SUCLG2: variants seen among roughly 807,000 people sequenced by gnomAD.
SUCLG2 encodes succinate-CoA ligase GDP-forming subunit beta.
A neutral mutation model predicts 47.9 loss-of-function variants in SUCLG2; 42 were observed. That is an observed-to-expected ratio of 0.88 (90% CI 0.69 to 1.14). The LOEUF (loss-of-function observed/expected upper bound fraction) is 1.14, where lower values mean the gene tolerates loss of function less well. Among genes scored for constraint, SUCLG2 ranks in the 50% most tolerant of loss-of-function variants. The pLI, the probability that SUCLG2 is intolerant of heterozygous loss-of-function variation, is 0.00. For missense variants in SUCLG2, 571 were observed against 525.9 expected (o/e 1.09, Z -0.84); for synonymous variants, 195 against 197.3 (o/e 0.99, Z 0.10).
At chr3:67,495,106 A>G (rs1446140075) in intron 9 of SUCLG2, among the ~76,000 whole-genome samples, 3 of 152,168 alleles carry the variant, frequency 2.0e-5, no homozygotes, top group Non-Finnish European at 4.4e-5. Context: ...AAATTTTCCA[A>G]TATATGGTAA....
chr3:67,450,047 A>C (rs1442142581), intron 9 of SUCLG2, among the ~76,000 whole-genome samples: 1 of 151,216 alleles, frequency 6.6e-6, no homozygotes, highest in Non-Finnish European at 1.5e-5. Flanking sequence ...TTTAAAATTA[A>C]CTAATTAATT....
In SUCLG2 at chr3:67,478,207, C is replaced by A. The variant is rs1238168919; in HGVS notation, c.1062+17591G>T. ...CCTTCCATATAAATGACCACAATACCCATAGCCCTGAAGACGGCCACCACG... is the reference window on the plus strand; with the variant it reads ...CCTTCCATATAAATGACCACAATACACATAGCCCTGAAGACGGCCACCACG... On this transcript the variant is annotated intron_variant, in intron 9 of 10. Transcript: ENST00000307227. 2.6e-5 allele frequency among the ~76,000 whole-genome samples: 4 copies of A among 152,180 alleles called. 1 individual carries two copies. The South Asian group carries it at 6.2e-4, about 24-fold the overall frequency.
chr3:67,529,258 C>G, intron 2 of SUCLG2, 72 bp from the exon 3 acceptor site: 2 of 1,142,482 alleles, frequency 1.8e-6, no homozygotes, highest in Middle Eastern at 2.0e-4. Context: ...ATAAGGAAAG[C>G]AATAATGGCA....
At chr3:67,424,811 C>T (rs1456882129) in intron 9 of SUCLG2, among the ~76,000 whole-genome samples, 2 of 152,122 alleles carry the variant, frequency 1.3e-5, no homozygotes, top group African/African-American at 4.8e-5. Flanking sequence ...GAAGTGGCAG[C>T]AGCATTCCTT....
At chr3:67,441,426 A>G (rs1287155543) in intron 9 of SUCLG2, among the ~76,000 whole-genome samples, 1 of 151,894 alleles carries the variant, frequency 6.6e-6, no homozygotes, top group Non-Finnish European at 1.5e-5. Context: ...TGTCATGTGT[A>G]GCCCTATGGA....
intron 1 of SUCLG2, among the ~76,000 whole-genome samples, chr3:67,634,108 G>A (rs1405921574): frequency 6.6e-6 from 1 of 152,188 alleles, no homozygotes; most frequent in Non-Finnish European, 1.5e-5. Flanking sequence ...TAAGCCTAAT[G>A]CTACAACTTC....
At chr3:67,459,267 T>C (rs1559534349) in intron 9 of SUCLG2, among the ~76,000 whole-genome samples, 2 of 152,196 alleles carry the variant, frequency 1.3e-5, no homozygotes, top group South Asian at 4.1e-4. Flanking sequence ...GTTCTCTTTG[T>C]ATTCTGAAAT....
intron 2 of SUCLG2, among the ~76,000 whole-genome samples, chr3:67,536,839 A>T (rs377199654): frequency 9.8e-5 from 15 of 152,334 alleles, no homozygotes; most frequent in African/African-American, 3.6e-4. Context: ...GGGCTCACAG[A>T]AAATCCTTTG....
chr3:67,536,563 C>A (rs1706548354), intron 2 of SUCLG2, among the ~76,000 whole-genome samples: 1 of 152,328 alleles, frequency 6.6e-6, no homozygotes, highest in Non-Finnish European at 1.5e-5. Flanking sequence ...TGCAAATCAC[C>A]AAGCCCTGCT....
At chr3:67,549,043 T>C (rs570015583) in intron 2 of SUCLG2, among the ~76,000 whole-genome samples, 14 of 152,296 alleles carry the variant, frequency 9.2e-5, no homozygotes, top group African/African-American at 2.6e-4. Context: ...ATAGAAACAA[T>C]TCATTATTTA....
At chr3:67,491,906 A>G (rs1705217110) in intron 9 of SUCLG2, among the ~76,000 whole-genome samples, 3 of 152,330 alleles carry the variant, frequency 2.0e-5, no homozygotes, top group African/African-American at 7.2e-5. Flanking sequence ...ACCACTTTAT[A>G]AACGAGGATA....
intron 2 of SUCLG2, among the ~76,000 whole-genome samples, chr3:67,567,592 A>C (rs1271511308): frequency 6.6e-6 from 1 of 152,210 alleles, no homozygotes; most frequent in Non-Finnish European, 1.5e-5. Context: ...TATGTCAGGA[A>C]TTTAAAGACT....
chr3:67,376,963 A>C (rs1046490943), intron 10 of SUCLG2, among the ~76,000 whole-genome samples: 1 of 152,202 alleles, frequency 6.6e-6, no homozygotes, highest in Non-Finnish European at 1.5e-5. Flanking sequence ...TTTTGGGTAA[A>C]TCGTTTAACT....
chr3:67,450,524 C>T (rs1368923330), intron 9 of SUCLG2, among the ~76,000 whole-genome samples: 2 of 152,092 alleles, frequency 1.3e-5, no homozygotes, highest in African/African-American at 4.8e-5. Flanking sequence ...TGAAAATTTT[C>T]AAGTATACAG....
Position 67,378,842 on chromosome 3 carries a change from C to G in SUCLG2, c.1184-2983G>C, listed in dbSNP as rs188877188. On this transcript the variant is annotated intron_variant, in intron 10 of 10. Coordinates refer to ENST00000307227, the MANE Select transcript of SUCLG2 (RefSeq NM_003848.4). ...GATAGCAGGCTAAGGAATTTAGAAA[C>G]TAATCAAAGCATGGCTTTCATGGAG... is the stretch of plus-strand genomic sequence containing the variant. 3.9e-3 allele frequency among the ~76,000 whole-genome samples: 599 copies of G among 152,328 alleles called. 2 individuals carry two copies. Among genetic ancestry groups the G allele is most frequent in the Middle Eastern group, 6.8e-3 (2 of 294 alleles).
At chr3:67,637,565 T>C (rs942590298) in intron 1 of SUCLG2, among the ~76,000 whole-genome samples, 4 of 152,234 alleles carry the variant, frequency 2.6e-5, no homozygotes, top group Non-Finnish European at 5.9e-5. Context: ...GAGTGAAGTC[T>C]GTCACTGAAA....
At chr3:67,449,613 T>TTTTTA (rs1271485179) in intron 9 of SUCLG2, among the ~76,000 whole-genome samples, 1 of 152,058 alleles carries the variant, frequency 6.6e-6, no homozygotes, top group African/African-American at 2.4e-5. Context: ...GAATATTTTA[T>TTTTTA]TTTTATTTTA....
At chr3:67,395,030 C>T (rs1216863819) in intron 10 of SUCLG2, among the ~76,000 whole-genome samples, 3 of 151,992 alleles carry the variant, frequency 2.0e-5, no homozygotes, top group Non-Finnish European at 4.4e-5. Context: ...AAGCACTAAA[C>T]ATGGAAAGGA....
intron 1 of SUCLG2, among the ~76,000 whole-genome samples, chr3:67,628,268 G>A (rs192360387): frequency 2.6e-4 from 40 of 152,270 alleles, no homozygotes; most frequent in Non-Finnish European, 7.4e-5. Flanking sequence ...TGAGTGCCCC[G>A]TGCCCAGAAC....
Sources: gnomAD v4.1 joint callset for allele counts (sites outside exome capture counted in the v4.1 genomes callset) on GRCh38, gnomAD v4.1.1 for gene constraint, MANE v1.5 for transcripts, NCBI Gene and HGNC (gene_info 2026-07-23, HGNC 2026-07-21) for gene names.